Variants in STIP1 observed in about 807,000 individuals in gnomAD.
The protein encoded by STIP1 is stress-induced-phosphoprotein 1.
A neutral mutation model predicts 77.4 loss-of-function variants in STIP1; 16 were observed. That is an observed-to-expected ratio of 0.21 (90% confidence interval 0.14 to 0.31). The LOEUF (loss-of-function observed/expected upper bound fraction) is 0.31. STIP1 is among the 10% of genes least tolerant of loss of function. The pLI is 1.00. For missense variants in STIP1, 524 were observed against 684.8 expected (o/e 0.77, Z 2.62); for synonymous variants, 258 against 246.6 (o/e 1.05, Z -0.44).
chr11:64,191,644 G>A (rs1946094120), intron 1 of STIP1, among the ~76,000 whole-genome samples: 1 of 152,056 alleles, frequency 6.6e-6, no homozygotes, highest in Admixed American at 6.6e-5. Flanking sequence ...TTCTCAAGGG[G>A]TTGCCTGCCC....
At chr11:64,194,051 C>T in intron 2 of STIP1, 138 bp from the exon 3 acceptor site, 1 of 1,233,002 alleles carries the variant, frequency 8.1e-7, no homozygotes. Context: ...GTAGCCTACT[C>T]CTCTCCTTTT....
chr11:64,201,988 T>C (rs114956318), intron 10 of STIP1, among the ~76,000 whole-genome samples: 1 of 152,322 alleles, frequency 6.6e-6, no homozygotes, highest in African/African-American at 2.4e-5. Context: ...ATCTGACAAA[T>C]GTTGACCTGT....
upstream of STIP1, chr11:64,185,687 C>A: frequency 8.1e-7 from 1 of 1,227,784 alleles, no homozygotes; most frequent in Non-Finnish European, 1.1e-6. Flanking sequence ...CAGACCCCGA[C>A]TGCAGCCGGT....
At chr11:64,194,711 A>C (rs1946129289) in intron 4 of STIP1, 91 bp downstream of exon 4, 27 of 1,496,048 alleles carry the variant, frequency 1.8e-5, no homozygotes, top group Non-Finnish European at 2.3e-5. Context: ...CCTGGTCTAA[A>C]CTGCAGAGTT....
upstream of STIP1, chr11:64,185,898 G>T (rs1565275678): frequency 1.3e-6 from 2 of 1,536,190 alleles, no homozygotes; most frequent in African/African-American, 1.4e-5. Flanking sequence ...GGCCAGCGCG[G>T]CTACGATTGG....
In STIP1 at chr11:64,197,993, G is replaced by A. The variant is rs772727214; in HGVS notation, c.1023+19G>A. 5.8e-5 allele frequency: 93 copies of A among 1,596,794 alleles called. No individual in the cohort carries two copies. Among genetic ancestry groups the A allele is most frequent in the Admixed American group, 3.4e-4 (19 of 55,092 alleles). ...CCAGCAGGTGCGTAGGAAAAGAATA[G>A]GGGTATTTTCTTGTTTTCCTAATAA... On this transcript the variant is annotated intron_variant, in intron 8 of 13. Transcript: ENST00000305218.
At chr11:64,193,996 G>A (rs1415459311) in intron 2 of STIP1, among the ~76,000 whole-genome samples, 193 bp from the exon 3 acceptor site, 2 of 152,226 alleles carry the variant, frequency 1.3e-5, no homozygotes, top group Non-Finnish European at 2.9e-5. Flanking sequence ...GGGCGGATGT[G>A]CCTCTGCTAT....
In STIP1 at chr11:64,202,860, T is replaced by C. The variant is rs1170150898; in HGVS notation, c.1246-16T>C. ...CAAGGGAATGAGCCTAATTTCTTTC[T>C]GTTGCTTCATTCTAGGACTGTGAGG... On this transcript the variant is annotated splice_polypyrimidine_tract_variant and intron_variant, in intron 10 of 13. Transcript: ENST00000305218. The C allele has an allele frequency of 6.2e-7, 1 of 1,614,210 alleles. No individual in the cohort carries two copies. Among genetic ancestry groups the C allele is most frequent in the Admixed American group, 1.7e-5 (1 of 60,022 alleles).
chr11:64,186,501 C>G (rs915240230), intron 1 of STIP1: 1 of 369,838 alleles, frequency 2.7e-6, no homozygotes, highest in Admixed American at 5.1e-5. Flanking sequence ...CGAGGAGGGC[C>G]CGGCGGAGGC....
At chr11:64,198,835 T>G (rs560368569) in intron 8 of STIP1, among the ~76,000 whole-genome samples, 128 of 151,152 alleles carry the variant, frequency 8.5e-4, no homozygotes, top group Non-Finnish European at 1.3e-3. Flanking sequence ...GCCTGTGCAT[T>G]GAGAATGTTA....
At position 64,197,357 on chromosome 11, in the gene STIP1, G is replaced by A. The variant is rs1362462758; in HGVS notation, c.759G>A (p.Glu253=). ...TALKHYDKAK[E]LDPTNMTYIT... is the part of the protein sequence containing the mutation. Reference sequence around the variant, plus strand: ...TGAAGCATTACGACAAAGCCAAGGAGCTGGACCCCACTAACATGACTTACA... The same window carrying A: ...TGAAGCATTACGACAAAGCCAAGGAACTGGACCCCACTAACATGACTTACA... Residue 253 remains glutamate, a synonymous_variant, in exon 6 of 14, where the codon GAG becomes GAA. Transcript: ENST00000305218. 35 of 1,613,958 alleles carry A rather than the reference G, an allele frequency of 2.2e-5. No homozygotes were observed. The highest frequency in any genetic ancestry group is 2.9e-5 in the Non-Finnish European group (34 of 1,180,036).
At chr11:64,192,556 G>A (rs1217646915) in intron 1 of STIP1, among the ~76,000 whole-genome samples, 1 of 152,194 alleles carries the variant, frequency 6.6e-6, no homozygotes, top group East Asian at 1.9e-4. Flanking sequence ...CTTCCCTGAT[G>A]GGAGGAGATG....
At position 64,195,822 on chromosome 11, in the gene STIP1, TTTTTCTCTCCTCACTGTCAC is replaced by T. The variant is rs1346355946; in HGVS notation, c.672+10_672+29del. 1.9e-5 allele frequency: 30 copies of T among 1,614,078 alleles called. No homozygotes were observed. Among genetic ancestry groups the T allele is most frequent in the Non-Finnish European group, 2.2e-5 (26 of 1,180,012 alleles). ...CAGAGAATAAGAAGCAGGTCTTGTT[TTTTTCTCTCCTCACTGTCAC>T]CTATCTATAAACAACTAGAAATCTT... On this transcript the variant is annotated intron_variant, in intron 5 of 13. Coordinates refer to ENST00000305218, the MANE Select transcript of STIP1 (RefSeq NM_006819.3).
At chr11:64,192,944 C>T in intron 1 of STIP1, 134 bp from the exon 2 acceptor site, 1 of 840,630 alleles carries the variant, frequency 1.2e-6, no homozygotes, top group Non-Finnish European at 1.8e-6. Flanking sequence ...AATAAATGAA[C>T]CGGTTTTCTC....
chr11:64,200,150 C>T lies in STIP1; in HGVS notation c.1121-19C>T, dbSNP rs774238164. On this transcript the variant is annotated intron_variant, in intron 9 of 13. Transcript: ENST00000305218. ...GGCTTTTTGCTTTTTAAAAGACAGT[C>T]TTTGTTTTTCTTCCCCAGGGGACTA... 2 of 1,609,758 alleles carry T rather than the reference C, an allele frequency of 1.2e-6. No homozygotes were observed. The highest frequency in any genetic ancestry group is 4.5e-5 in the East Asian group (2 of 44,822).
chr11:64,194,192 T>G lies in STIP1; in HGVS notation c.223T>G (p.Tyr75Asp). Residue 75 changes from tyrosine (Y) to aspartate (D), a missense_variant, in exon 3 of 14, where the codon TAT (tyrosine) becomes GAT (aspartate). Transcript: ENST00000305218. Reference protein sequence around the residue: ...VDLKPDWGKGYSRKAAALEFL... With the variant: ...VDLKPDWGKGDSRKAAALEFL... ...TGTCTGTCTTTGGTGGTTTAAGGGC[T>G]ATTCACGAAAAGCAGCAGCTCTAGA... 2 of 1,613,528 alleles carry G rather than the reference T, an allele frequency of 1.2e-6. No homozygotes were observed. Among genetic ancestry groups the G allele is most frequent in the Non-Finnish European group, 1.7e-6 (2 of 1,179,858 alleles).
chr11:64,203,344 A>T lies in STIP1; in HGVS notation c.1387-106A>T, dbSNP rs934044682. 50 of 1,577,218 alleles carry T rather than the reference A, an allele frequency of 3.2e-5. No individual in the cohort carries two copies. In the Admixed American group the frequency reaches 7.7e-4, roughly 24 times the overall value. ...CTCCATTTCTCTCTGTTTCTCTCTT[A>T]CTTGTTCTCTCTCCCCTTGTCAGTT... On this transcript the variant is annotated intron_variant, in intron 12 of 13. Coordinates refer to ENST00000305218, the MANE Select transcript of STIP1 (RefSeq NM_006819.3).
intron 10 of STIP1, chr11:64,202,636 TC>T: frequency 1.8e-6 from 1 of 566,090 alleles, no homozygotes; most frequent in Non-Finnish European, 3.2e-6. Flanking sequence ...CATGTACTCT[TC>T]AGTTTCTCAA....
rs906290365 is a variant in STIP1, at chr11:64,193,785, CA to C, written c.220-395del. On this transcript the variant is annotated intron_variant, in intron 2 of 13. Coordinates refer to ENST00000305218, the MANE Select transcript of STIP1 (RefSeq NM_006819.3). The stretch of plus-strand genomic sequence containing the variant: ...CAGGTGACACGGCAAGACCCTGTCT[CA>C]AAAAAAAAGGAAGAGGCCCGGTACA... Among the ~76,000 whole-genome samples, 351 of 149,410 alleles carry C rather than the reference CA, an allele frequency of 2.3e-3. 1 individual carries two copies. The highest frequency in any genetic ancestry group is 8.2e-3 in the African/African-American group (334 of 40,680).
Sources: allele counts gnomAD v4.1 joint callset (sites outside exome capture counted in the v4.1 genomes callset), GRCh38; gene constraint gnomAD v4.1.1; transcripts MANE v1.5; gene names NCBI Gene and HGNC (gene_info 2026-07-23, HGNC 2026-07-21).